Variants in TNFRSF8 observed in about 807,000 individuals in gnomAD.
The protein encoded by TNFRSF8 is tumor necrosis factor receptor superfamily member 8.
A neutral mutation model predicts 70.8 loss-of-function variants in TNFRSF8; 26 were observed. The ratio of observed to expected loss-of-function variants is 0.37; its 90% CI spans 0.27 to 0.51. The LOEUF (loss-of-function observed/expected upper bound fraction) is 0.51, where lower values mean the gene tolerates loss of function less well. Among genes scored for constraint, TNFRSF8 ranks in the 20% least tolerant of loss-of-function variants. TNFRSF8 has a pLI of 0.94. For missense variants in TNFRSF8, 720 were observed against 807.9 expected (o/e 0.89, Z 1.32); for synonymous variants, 356 against 339.2 (o/e 1.05, Z -0.54).
Position 12,131,942 on chromosome 1 carries a change from C to T in TNFRSF8, c.1310-3646C>T, listed in dbSNP as rs374391351. On this transcript the variant is annotated intron_variant, in intron 12 of 14. Coordinates refer to ENST00000263932, the MANE Select transcript of TNFRSF8 (RefSeq NM_001243.5). ...CCGAGTAGCTGGGATTATAGGCGCGCGCCACCATGCCCAGCTAATTTTTGT... is the reference window on the plus strand; with the variant it reads ...CCGAGTAGCTGGGATTATAGGCGCGTGCCACCATGCCCAGCTAATTTTTGT... Among the ~76,000 whole-genome samples, 17 of 151,876 alleles carry T rather than the reference C, an allele frequency of 1.1e-4. No homozygotes were observed. In the East Asian group the frequency reaches 2.7e-3, roughly 24 times the overall value.
intron 1 of TNFRSF8, among the ~76,000 whole-genome samples, chr1:12,071,349 G>C (rs1640842548): frequency 6.6e-6 from 1 of 152,158 alleles, no homozygotes; most frequent in Non-Finnish European, 1.5e-5. Flanking sequence ...TGAAGCACGA[G>C]AATTGCTTGA....
chr1:12,074,302 C>G (rs140154826), intron 1 of TNFRSF8, among the ~76,000 whole-genome samples: 10 of 149,430 alleles, frequency 6.7e-5, no homozygotes, highest in Non-Finnish European at 1.0e-4. Context: ...TTTTTTGAGA[C>G]AGAATCTCAC....
intron 3 of TNFRSF8, among the ~76,000 whole-genome samples, chr1:12,098,009 T>C (rs1174370388): frequency 6.6e-6 from 1 of 152,208 alleles, no homozygotes; most frequent in Non-Finnish European, 1.5e-5. Flanking sequence ...GTTCATCTAT[T>C]AGATTTTCAT....
intron 6 of TNFRSF8, 57 bp from the exon 7 acceptor site, chr1:12,111,841 G>A (rs1159846952): frequency 2.1e-6 from 3 of 1,446,198 alleles, no homozygotes; most frequent in East Asian, 2.3e-5. Context: ...GGTTGGGTGG[G>A]GAGTGAGGCC....
chr1:12,084,639 G>A, intron 2 of TNFRSF8, 88 bp downstream of exon 2: 4 of 1,227,574 alleles, frequency 3.3e-6, no homozygotes, highest in Non-Finnish European at 4.7e-6. Flanking sequence ...TGGGGAAATT[G>A]GAGCCAACCG....
chr1:12,072,712 T>A (rs1640868567), intron 1 of TNFRSF8, among the ~76,000 whole-genome samples: 1 of 152,176 alleles, frequency 6.6e-6, no homozygotes, highest in Admixed American at 6.5e-5. Flanking sequence ...TCTTGACGGA[T>A]TGCTGCCTGC....
chr1:12,115,758 C>A (rs1641718289), intron 8 of TNFRSF8, 29 bp downstream of exon 8: 3 of 1,609,422 alleles, frequency 1.9e-6, no homozygotes, highest in Non-Finnish European at 2.5e-6. Flanking sequence ...AGGCCTCGAC[C>A]ACAGGGTGGA....
intron 7 of TNFRSF8, 129 bp from the exon 8 acceptor site, chr1:12,115,448 T>C: frequency 9.7e-7 from 1 of 1,029,224 alleles, no homozygotes; most frequent in South Asian, 1.3e-5. Context: ...AACGGCATAG[T>C]CAGACGAGCA....
At chr1:12,120,905 C>A (rs180988302) in intron 8 of TNFRSF8, among the ~76,000 whole-genome samples, 260 of 152,314 alleles carry the variant, frequency 1.7e-3, no homozygotes, top group African/African-American at 6.1e-3. Context: ...TAGGTTCCCC[C>A]CTTCTGCACA....
chr1:12,115,270 C>T (rs906267610), intron 7 of TNFRSF8, among the ~76,000 whole-genome samples: 11 of 152,184 alleles, frequency 7.2e-5, no homozygotes, highest in African/African-American at 2.7e-4. Flanking sequence ...AGCAACCAGC[C>T]ATCCCCCTCT....
intron 4 of TNFRSF8, among the ~76,000 whole-genome samples, chr1:12,107,438 T>A (rs1641544867): frequency 6.6e-6 from 1 of 152,114 alleles, no homozygotes; most frequent in African/African-American, 2.4e-5. Context: ...CAGATACGTC[T>A]GCATTGAGAA....
chr1:12,140,892 ACCCCCGG>A (rs1642240623), intron 14 of TNFRSF8, among the ~76,000 whole-genome samples: 1 of 124,746 alleles, frequency 8.0e-6, no homozygotes, highest in Non-Finnish European at 1.7e-5. Flanking sequence ...CTCTCTCACC[ACCCCCGG>A]CCCCCATCTT....
At chr1:12,133,890 T>C (rs1642098693) in intron 12 of TNFRSF8, among the ~76,000 whole-genome samples, 1 of 151,980 alleles carries the variant, frequency 6.6e-6, no homozygotes, top group Admixed American at 6.6e-5. Context: ...TTGTTTCTAC[T>C]AAAAATACAA....
chr1:12,091,990 C>A (rs1023797767), intron 2 of TNFRSF8, among the ~76,000 whole-genome samples: 1 of 152,034 alleles, frequency 6.6e-6, no homozygotes, highest in African/African-American at 2.4e-5. Context: ...GCTCGCTCAC[C>A]GTCACTCACC....
chr1:12,063,576 C>A lies in TNFRSF8; in HGVS notation c.-23C>A. ...TCCCAGGTGGGCGCCGGCCGCCAGGCCACCTCACGTCCGGCCCCGGGGATG... is the reference window on the plus strand; with the variant it reads ...TCCCAGGTGGGCGCCGGCCGCCAGGACACCTCACGTCCGGCCCCGGGGATG... On this transcript the variant is annotated 5_prime_UTR_variant, in exon 1 of 15. Transcript: ENST00000263932. The surrounding 1 kb of genome is among the most constrained non-coding windows in gnomAD (Gnocchi z 7.2). 9.9e-6 allele frequency: 13 copies of A among 1,312,532 alleles called. No homozygotes were observed. The highest frequency in any genetic ancestry group is 1.3e-5 in the Non-Finnish European group (13 of 1,023,502). The allele number at this position is 1,312,532 out of a possible 1,614,324, so 81.3% of individuals were successfully genotyped here. A position where few individuals can be genotyped will look rare whatever the true frequency, so the allele number is the denominator to read the frequency against.
At chr1:12,128,365 A>G (rs1641980062) in intron 12 of TNFRSF8, among the ~76,000 whole-genome samples, 1 of 152,214 alleles carries the variant, frequency 6.6e-6, no homozygotes, top group Admixed American at 6.5e-5. Flanking sequence ...TGAGCACATC[A>G]GGGATCTGTG....
At chr1:12,103,828 A>G (rs1249230359) in intron 3 of TNFRSF8, among the ~76,000 whole-genome samples, 3 of 152,180 alleles carry the variant, frequency 2.0e-5, no homozygotes, top group African/African-American at 4.8e-5. Flanking sequence ...AGTGTGGCAC[A>G]ATTGTTAGCA....
In TNFRSF8 at chr1:12,108,473, C is replaced by T. The variant is rs970801042; in HGVS notation, c.422-1093C>T. 2.0e-5 allele frequency among the ~76,000 whole-genome samples: 3 copies of T among 152,162 alleles called. No individual in the cohort carries two copies. Among genetic ancestry groups the T allele is most frequent in the Non-Finnish European group, 2.9e-5 (2 of 68,030 alleles). ...GTCATGCAATGTGATGGGCACCTCA[C>T]GTGCACTCTTCTGTTTATCCTGACG... is the stretch of plus-strand genomic sequence containing the variant. On this transcript the variant is annotated intron_variant, in intron 4 of 14. Coordinates refer to ENST00000263932, the MANE Select transcript of TNFRSF8 (RefSeq NM_001243.5). This position sits in a 1 kb window ranked among gnomAD's most constrained non-coding sequence, Gnocchi z 4.0.
intron 1 of TNFRSF8, among the ~76,000 whole-genome samples, chr1:12,064,195 C>T (rs907178436): frequency 1.3e-5 from 2 of 152,160 alleles, no homozygotes; most frequent in Admixed American, 6.5e-5. Flanking sequence ...CCGGGATTAG[C>T]TTCCCCAATC....
Sources: gnomAD v4.1 joint callset for allele counts (sites outside exome capture counted in the v4.1 genomes callset) on GRCh38, gnomAD v4.1.1 for gene constraint, Gnocchi (gnomAD v3.1) non-coding constraint, MANE v1.5 for transcripts, NCBI Gene and HGNC (gene_info 2026-07-23, HGNC 2026-07-21) for gene names.